The following PADI1 variants were observed in gnomAD, a reference collection of about 807,000 sequenced individuals.
PADI1 encodes the protein peptidyl arginine deiminase 1.
In PADI1, 65 loss-of-function variants were observed where a neutral mutation model predicts 74.8. That is an observed-to-expected ratio of 0.87 (90% confidence interval 0.71 to 1.07). PADI1 has a LOEUF of 1.07. PADI1 is among the 50% of genes least tolerant of loss of function. PADI1 has a pLI of 0.00. For synonymous variants in PADI1, 371 were observed against 336.2 expected (o/e 1.10, Z -1.13); for missense variants, 943 against 854.0 (o/e 1.10, Z -1.30).
intron 1 of PADI1, among the ~76,000 whole-genome samples, chr1:17,215,152 C>T (rs2071941771): frequency 6.6e-6 from 1 of 152,134 alleles, no homozygotes; most frequent in South Asian, 2.1e-4. Flanking sequence ...CCACATTTCC[C>T]CCAAGGCCTG....
chr1:17,243,971 T>C (rs2293921), intron 15 of PADI1, 39 bp from the exon 16 acceptor site: 662,395 of 1,448,020 alleles, frequency 0.46, 153,845 homozygotes, highest in African/African-American at 0.59. Flanking sequence ...ACAGCACTTA[T>C]AGCCAGACAG....
At chr1:17,230,733 C>T (rs1051927102) in intron 10 of PADI1, 54 bp downstream of exon 10, 2 of 1,013,918 alleles carry the variant, frequency 2.0e-6, no homozygotes, top group African/African-American at 1.6e-5. Context: ...CCTGGAGGCG[C>T]ACCAGTGAAG....
chr1:17,223,350 T>G (rs1569791465), intron 2 of PADI1: 1 of 473,238 alleles, frequency 2.1e-6, no homozygotes, highest in East Asian at 3.8e-5. Flanking sequence ...TGCTGGGAGC[T>G]GCCCCACCTT....
At position 17,223,654 on chromosome 1, in the gene PADI1, C is replaced by A; in HGVS notation, c.307C>A (p.Gln103Lys). Residue 103 changes from glutamine to lysine, a missense_variant, in exon 3 of 16, where the codon CAA becomes AAA. Physicochemically the swap from Gln to Lys is moderately conservative, Grantham distance 53. Coordinates refer to ENST00000375471, the MANE Select transcript of PADI1 (RefSeq NM_013358.3). The part of the protein sequence containing the change: ...RVSYFGEQED[Q>K]ALGRSVLYLT... ...CTCCTACTTTGGGGAGCAGGAAGACCAAGCTCTGGGCCGCAGCGTGCTTTA... is the reference window on the plus strand; with the variant it reads ...CTCCTACTTTGGGGAGCAGGAAGACAAAGCTCTGGGCCGCAGCGTGCTTTA... The A allele has an allele frequency of 1.9e-6, 3 of 1,614,102 alleles. No individual in the cohort carries two copies. The highest frequency in any genetic ancestry group is 2.5e-6 in the Non-Finnish European group (3 of 1,179,994).
At chr1:17,231,330 C>G (rs1474241231) in intron 10 of PADI1, among the ~76,000 whole-genome samples, 6 of 152,166 alleles carry the variant, frequency 3.9e-5, no homozygotes, top group Admixed American at 1.3e-4. Context: ...TTAATAGTGG[C>G]ACCAAGATGC....
Position 17,223,807 on chromosome 1 carries a change from C to G in PADI1, c.346+114C>G, listed in dbSNP as rs1427394585. The G allele has an allele frequency of 8.1e-6, 7 of 863,682 alleles. No individual in the cohort carries two copies. In the African/African-American group the frequency reaches 1.2e-4, roughly 14 times the overall value. The allele number at this position is 863,682 out of a possible 1,614,324, so 53.5% of individuals were successfully genotyped here. A position where few individuals can be genotyped will look rare whatever the true frequency, so the allele number is the denominator to read the frequency against. On this transcript the variant is annotated intron_variant, in intron 3 of 15. Transcript: ENST00000375471. Reference sequence around the variant, plus strand: ...GACCCATGGCCAGCTTCCTCCATCACTGAGGGGCTTGGATTCCTCGGGACC... The same window carrying G: ...GACCCATGGCCAGCTTCCTCCATCAGTGAGGGGCTTGGATTCCTCGGGACC...
chr1:17,223,750 T>C (rs2072230700), intron 3 of PADI1, 57 bp downstream of exon 3: 3 of 1,411,592 alleles, frequency 2.1e-6, no homozygotes, highest in Admixed American at 3.5e-5. Flanking sequence ...GGTTGACTGT[T>C]TGAGGGTCTT....
In PADI1 at chr1:17,205,155, A is replaced by C; in HGVS notation, c.-63A>C. The C allele has an allele frequency of 7.5e-7, 1 of 1,331,634 alleles. No individual in the cohort carries two copies. Among genetic ancestry groups the C allele is most frequent in the South Asian group, 1.2e-5 (1 of 83,442 alleles). 82.5% of individuals were successfully genotyped at this position (1,331,634 alleles called of 1,614,324 possible). A position where few individuals can be genotyped will look rare whatever the true frequency, so the allele number is the denominator to read the frequency against. On this transcript the variant is annotated 5_prime_UTR_variant, in exon 1 of 16. Transcript: ENST00000375471. The stretch of plus-strand genomic sequence containing the variant: ...AACTCACACTTCTTCCTGGCAAAGA[A>C]GTGCCCAGGACGGGAGCTGGGGAGC...
chr1:17,213,251 G>T (rs769019314), intron 1 of PADI1, among the ~76,000 whole-genome samples: 2 of 150,100 alleles, frequency 1.3e-5, no homozygotes, highest in Non-Finnish European at 3.0e-5. Context: ...CTCCAAGCCT[G>T]CCTTTCTTCA....
chr1:17,207,680 C>T lies in PADI1; in HGVS notation c.92+2371C>T, dbSNP rs535795544. On this transcript the variant is annotated intron_variant, in intron 1 of 15. Transcript: ENST00000375471. ...TAGCGTCCTCAAATGCAGGCCCTGG[C>T]CCAGCGGAGGGGCAACGGGAAGTTG... Among the ~76,000 whole-genome samples the T allele has an allele frequency of 5.9e-5, 9 of 152,320 alleles. No individual in the cohort carries two copies. The South Asian group carries it at 8.3e-4, about 14-fold the overall frequency.
At position 17,232,935 on chromosome 1, in the gene PADI1, C is replaced by G. The variant is rs142341928; in HGVS notation, c.1278C>G (p.Pro426=). The G allele has an allele frequency of 4.3e-5, 69 of 1,611,132 alleles. No homozygotes were observed. The highest frequency in any genetic ancestry group is 5.5e-5 in the Non-Finnish European group (65 of 1,179,414). ...PPVTVGGTEY[P]LGRILIGSSF... is the part of the protein sequence containing the mutation. Reference sequence around the variant, plus strand: ...TCACGGTGGGCGGCACGGAATACCCCCTGGGCCGGATCCTCATCGGGAGCA... The same window carrying G: ...TCACGGTGGGCGGCACGGAATACCCGCTGGGCCGGATCCTCATCGGGAGCA... The change falls in exon 11 of 16, where the codon CCC becomes CCG. Residue 426 remains proline (P), a synonymous_variant. Coordinates refer to ENST00000375471, the MANE Select transcript of PADI1 (RefSeq NM_013358.3).
At chr1:17,224,346 C>G (rs1435854119) in intron 3 of PADI1, 21 bp from the exon 4 acceptor site, 2 of 1,610,762 alleles carry the variant, frequency 1.2e-6, no homozygotes, top group Admixed American at 1.7e-5. Context: ...CCCCTGGCAG[C>G]CCCTCTCCAT....
rs1219626640 is a variant in PADI1, at chr1:17,206,684, T to C, written c.92+1375T>C. Among the ~76,000 whole-genome samples the C allele has an allele frequency of 8.9e-5, 8 of 89,626 alleles. No individual in the cohort carries two copies. In the East Asian group the frequency reaches 2.4e-3, roughly 27 times the overall value. The allele number at this position is 89,626 out of a possible 152,430, so 58.8% of individuals were successfully genotyped here. On this transcript the variant is annotated intron_variant, in intron 1 of 15. Transcript: ENST00000375471. ...AGCTGAAGTCTTTTTTTTCTTTTTC[T>C]TTTTTTTTTTTTTTTTTTTTGAGAT...
At chr1:17,231,957 G>A (rs1454099437) in intron 10 of PADI1, among the ~76,000 whole-genome samples, 1 of 151,146 alleles carries the variant, frequency 6.6e-6, no homozygotes, top group Admixed American at 6.6e-5. Context: ...GTTTGTTTTT[G>A]AGAAGGAGTC....
intron 1 of PADI1, among the ~76,000 whole-genome samples, chr1:17,212,996 A>G (rs546944877): frequency 5.3e-5 from 8 of 152,298 alleles, no homozygotes; most frequent in African/African-American, 1.9e-4. Flanking sequence ...CTCTCTCAAC[A>G]CATTCCTGTT....
chr1:17,230,013 A>T, intron 8 of PADI1, 72 bp from the exon 9 acceptor site: 1 of 1,488,604 alleles, frequency 6.7e-7, no homozygotes, highest in South Asian at 1.2e-5. Flanking sequence ...GCCCAGCACA[A>T]ACTGAAGGCC....
chr1:17,220,501 T>G (rs1430383225), intron 1 of PADI1, among the ~76,000 whole-genome samples: 1 of 152,122 alleles, frequency 6.6e-6, no homozygotes, highest in Non-Finnish European at 1.5e-5. Context: ...AAGTGTTTAT[T>G]GAGCACCTAC....
chr1:17,232,041 C>T (rs555623006), intron 10 of PADI1, among the ~76,000 whole-genome samples: 62 of 152,234 alleles, frequency 4.1e-4, no homozygotes, highest in Admixed American at 8.5e-4. Context: ...CGGGTTCAAG[C>T]GATTCTCCTG....
Position 17,222,402 on chromosome 1 carries a change from C to A in PADI1, c.205C>A (p.Pro69Thr), listed in dbSNP as rs538124530. The change falls in exon 2 of 16, where the codon CCG becomes ACG. Residue 69 changes from proline (P) to threonine (T), a missense_variant. Physicochemically the swap from Pro to Thr is conservative, Grantham distance 38 (BLOSUM62 -1). Coordinates refer to ENST00000375471, the MANE Select transcript of PADI1 (RefSeq NM_013358.3). The stretch of plus-strand genomic sequence containing the variant: ...AGAGCCCATAGGCAAGGCCCGTTGG[C>A]CGCTAGACACTGATGCAGACATGGT... Reference protein sequence around the residue: ...VKEPIGKARWPLDTDADMVVS... With the variant: ...VKEPIGKARWTLDTDADMVVS... 6.2e-7 allele frequency: 1 copy of A among 1,613,938 alleles called. No homozygotes were observed. Among genetic ancestry groups the A allele is most frequent in the Non-Finnish European group, 8.5e-7 (1 of 1,179,926 alleles).
Sources: gnomAD v4.1 joint callset for allele counts (sites outside exome capture counted in the v4.1 genomes callset) on GRCh38, gnomAD v4.1.1 for gene constraint, MANE v1.5 for transcripts, NCBI Gene and HGNC (gene_info 2026-07-23, HGNC 2026-07-21) for gene names.